Variants in PLEKHA5 observed in about 807,000 individuals in gnomAD.
PLEKHA5 encodes the protein pleckstrin homology domain containing A5.
In PLEKHA5, 55 loss-of-function variants were observed where a neutral mutation model predicts 181.9. That is an observed-to-expected ratio of 0.30 (90% CI 0.24 to 0.38). The LOEUF (loss-of-function observed/expected upper bound fraction) is 0.38, where lower values mean the gene tolerates loss of function less well. Among genes scored for constraint, PLEKHA5 ranks in the 10% least tolerant of loss-of-function variants. The probability of loss-of-function intolerance (pLI) is 1.00; values close to 1 mark genes in which losing one functional copy is unlikely to be tolerated. For missense variants in PLEKHA5, 1,432 were observed against 1,549.5 expected, an observed-to-expected ratio of 0.92 and a Z score of 1.27; for synonymous variants, 535 against 529.4, an observed-to-expected ratio of 1.01 and a Z score of -0.15.
At chr12:19,252,071 A>G (rs1461129688) in intron 3 of PLEKHA5, among the ~76,000 whole-genome samples, 2 of 152,320 alleles carry the variant, frequency 1.3e-5, no homozygotes, top group African/African-American at 2.4e-5. Context: ...ACTATGTTTC[A>G]TTAATGATTC....
chr12:19,284,298 ATC>A (rs2076777532), intron 12 of PLEKHA5, among the ~76,000 whole-genome samples: 1 of 152,052 alleles, frequency 6.6e-6, no homozygotes, highest in South Asian at 2.1e-4. Context: ...TGAACTCCTG[ATC>A]TCAAGTGACC....
chr12:19,281,580 A>G (rs78536173), intron 11 of PLEKHA5, among the ~76,000 whole-genome samples: 2 of 151,198 alleles, frequency 1.3e-5, no homozygotes, highest in African/African-American at 4.9e-5. Context: ...CTATCTCCAA[A>G]AAAAAAAAAA....
intron 28 of PLEKHA5, among the ~76,000 whole-genome samples, chr12:19,361,169 G>A (rs1217725894): frequency 6.6e-6 from 1 of 151,996 alleles, no homozygotes; most frequent in African/African-American, 2.4e-5. Flanking sequence ...GAGTGTGATT[G>A]TTTATTTATT....
At chr12:19,357,410 A>G (rs2095003864) in intron 26 of PLEKHA5, among the ~76,000 whole-genome samples, 1 of 150,390 alleles carries the variant, frequency 6.6e-6, no homozygotes, top group African/African-American at 2.4e-5. Context: ...ATGCCTGGCT[A>G]AATTTTTTGT....
chr12:19,235,621 T>G (rs551965969), intron 3 of PLEKHA5, among the ~76,000 whole-genome samples: 3 of 152,164 alleles, frequency 2.0e-5, no homozygotes. Context: ...ACGGGGAGGC[T>G]AAGTAACCTG....
At chr12:19,303,227 T>C (rs933969053) in intron 15 of PLEKHA5, among the ~76,000 whole-genome samples, 3 of 152,038 alleles carry the variant, frequency 2.0e-5, no homozygotes, top group Non-Finnish European at 4.4e-5. Flanking sequence ...TATAAACTTT[T>C]AAGAGAGCAA....
At chr12:19,190,768 G>A (rs960257540) in intron 3 of PLEKHA5, among the ~76,000 whole-genome samples, 3 of 152,190 alleles carry the variant, frequency 2.0e-5, no homozygotes, top group African/African-American at 7.2e-5. Flanking sequence ...TTGTCCCAAA[G>A]GAGAAGAGAC....
intron 3 of PLEKHA5, among the ~76,000 whole-genome samples, chr12:19,231,612 A>ATATTTATATATGTACACATATATATGT (rs1424318753): frequency 3.6e-4 from 53 of 147,334 alleles, no homozygotes; most frequent in Admixed American, 6.9e-4. Flanking sequence ...ATATATATAT[A>ATATTTATATATGTACACATATATATGT]AATACTCATA....
chr12:19,163,367 C>T (rs1361286088), intron 3 of PLEKHA5, among the ~76,000 whole-genome samples: 1 of 151,932 alleles, frequency 6.6e-6, no homozygotes, highest in Non-Finnish European at 1.5e-5. Flanking sequence ...TTAGTAGAGA[C>T]GGGATTTCAC....
chr12:19,146,362 CTG>C (rs1184812754), intron 3 of PLEKHA5, among the ~76,000 whole-genome samples: 1 of 152,040 alleles, frequency 6.6e-6, no homozygotes, highest in Admixed American at 6.6e-5. Context: ...CACATATTTT[CTG>C]TGTTTTTCTA....
chr12:19,145,300 G>A (rs1239830078), intron 3 of PLEKHA5, among the ~76,000 whole-genome samples: 2 of 152,026 alleles, frequency 1.3e-5, no homozygotes, highest in Non-Finnish European at 2.9e-5. Context: ...ATTTGAATAG[G>A]AGTAGCACTA....
rs372780912 is a variant in PLEKHA5 at position 19,132,462 on chromosome 12, G to A, written c.227+12G>A. The A allele has an allele frequency of 5.5e-6, 8 of 1,463,834 alleles. No individual in the cohort carries two copies. The highest frequency in any genetic ancestry group is 7.6e-6 in the Non-Finnish European group (8 of 1,055,988). 90.7% of individuals were successfully genotyped at this position (1,463,834 alleles called of 1,614,324 possible). A position where few individuals can be genotyped will look rare whatever the true frequency, so the allele number is the denominator to read the frequency against. On this transcript the variant is annotated intron_variant, in intron 3 of 31. Coordinates refer to ENST00000429027, the MANE Select transcript of PLEKHA5 (RefSeq NM_001256470.2). ...AGATACTATATAAAGTGAGTTTTTT[G>A]ACTTTCATTTTTTTCCTTCGTAATT...
intron 22 of PLEKHA5, 73 bp downstream of exon 22, chr12:19,343,507 C>T (rs1045672011): frequency 1.3e-5 from 11 of 856,888 alleles, no homozygotes; most frequent in Non-Finnish European, 1.8e-5. Context: ...TGACAGATTA[C>T]ATTCTGAGAA....
At chr12:19,250,126 A>G (rs553050133) in intron 3 of PLEKHA5, among the ~76,000 whole-genome samples, 3 of 152,154 alleles carry the variant, frequency 2.0e-5, no homozygotes, top group Non-Finnish European at 2.9e-5. Flanking sequence ...AAATCACCCA[A>G]TTGAGAACCA....
At chr12:19,261,594 T>C (rs1025220307) in intron 7 of PLEKHA5, among the ~76,000 whole-genome samples, 13 of 152,204 alleles carry the variant, frequency 8.5e-5, no homozygotes, top group African/African-American at 2.4e-4. Context: ...TACAAAGTTG[T>C]TACCTGCCAA....
At chr12:19,269,960 A>G (rs1172118670) in intron 9 of PLEKHA5, 75 bp downstream of exon 9, 1 of 794,454 alleles carries the variant, frequency 1.3e-6, no homozygotes, top group South Asian at 1.6e-5. Context: ...TTTCACTGTC[A>G]TAGTACATAT....
At chr12:19,256,557 G>A (rs1227341670) in intron 5 of PLEKHA5, among the ~76,000 whole-genome samples, 1 of 152,074 alleles carries the variant, frequency 6.6e-6, no homozygotes, top group Admixed American at 6.6e-5. Context: ...AGCATTACCT[G>A]TTTGAAAGTA....
At chr12:19,292,066 G>A (rs544534161) in intron 15 of PLEKHA5, among the ~76,000 whole-genome samples, 2 of 152,350 alleles carry the variant, frequency 1.3e-5, no homozygotes, top group South Asian at 4.1e-4. Context: ...AGGCAAGAAG[G>A]AGGGTGAATG....
chr12:19,265,937 C>T, intron 8 of PLEKHA5, 87 bp downstream of exon 8: 1 of 638,492 alleles, frequency 1.6e-6, no homozygotes, highest in Non-Finnish European at 2.8e-6. Flanking sequence ...TACAAAAAAG[C>T]TACCTTATAG....
Sources: gnomAD v4.1 joint callset for allele counts (sites outside exome capture counted in the v4.1 genomes callset) on GRCh38, gnomAD v4.1.1 for gene constraint, MANE v1.5 for transcripts, NCBI Gene and HGNC (gene_info 2026-07-23, HGNC 2026-07-21) for gene names.